The following DNAH5 variants were observed in gnomAD, a reference collection of about 807,000 sequenced individuals.
The protein encoded by DNAH5 is axonemal beta dynein heavy chain 5.
DNAH5 carries 372 observed loss-of-function variants against 518.2 expected under a neutral mutation model. That is an observed-to-expected ratio of 0.72 (90% confidence interval 0.66 to 0.78). The LOEUF is 0.78. DNAH5 is among the 30% of genes least tolerant of loss of function. DNAH5 has a pLI of 0.00. For synonymous variants in DNAH5, 2,039 were observed against 2,025.9 expected (o/e 1.01, Z -0.17); for missense variants, 5,523 against 5,687.0 (o/e 0.97, Z 0.93).
intron 12 of DNAH5, among the ~76,000 whole-genome samples, chr5:13,908,295 T>C (rs569108438): frequency 1.3e-5 from 2 of 152,304 alleles, no homozygotes; most frequent in African/African-American, 4.8e-5. Flanking sequence ...TAAATAAACA[T>C]CTACATTTTT....
At position 13,777,353 on chromosome 5, in the gene DNAH5, G is replaced by A; in HGVS notation, c.8954C>T (p.Ser2985Phe). 1.2e-6 allele frequency: 2 copies of A among 1,612,564 alleles called. No individual in the cohort carries two copies. Among genetic ancestry groups the A allele is most frequent in the African/African-American group, 1.3e-5 (1 of 74,946 alleles). The change falls in exon 54 of 79, where the codon TCC becomes TTC. Residue 2985 changes from serine (S) to phenylalanine (F), a missense_variant and splice_region_variant. By Grantham distance (155) the Ser-to-Phe change is radical. Around this residue, in one of 3 missense-constraint regions of DNAH5, gnomAD observed 5,121 missense variants for 5,223.3 expected, o/e 0.98. Transcript: ENST00000265104. Reference protein sequence around the residue: ...YVSFQITLTRSYNTSNLMEDL... With the variant: ...YVSFQITLTRFYNTSNLMEDL... ...TTCCATCAGATTTGATGTGTTGTAG[G>A]ATCTAAAGAAATATTTTCATTTTGT...
At chr5:13,934,430 T>C (rs1417577744) in intron 1 of DNAH5, among the ~76,000 whole-genome samples, 2 of 152,200 alleles carry the variant, frequency 1.3e-5, no homozygotes, top group Non-Finnish European at 2.9e-5. Flanking sequence ...GTATGGTTTG[T>C]AACGCAAAAA....
intron 1 of DNAH5, among the ~76,000 whole-genome samples, chr5:13,953,119 T>C (rs139259626): frequency 1.8e-4 from 28 of 152,320 alleles, no homozygotes; most frequent in African/African-American, 6.0e-4. Flanking sequence ...AATAAGTTCA[T>C]CTTATTGCTA....
At chr5:13,735,470 C>G (rs1561137703) in intron 67 of DNAH5, 149 bp from the exon 68 acceptor site, 1 of 765,172 alleles carries the variant, frequency 1.3e-6, no homozygotes, top group East Asian at 2.7e-5. Context: ...TCTAAAATAA[C>G]AAGAATTCTC....
intron 9 of DNAH5, among the ~76,000 whole-genome samples, chr5:13,915,165 T>A (rs935044724): frequency 6.6e-6 from 1 of 152,102 alleles, no homozygotes; most frequent in Non-Finnish European, 1.5e-5. Context: ...ATGTATTAAT[T>A]TTTTGGATAA....
intron 57 of DNAH5, 150 bp from the exon 58 acceptor site, chr5:13,769,286 C>T (rs540019546): frequency 4.1e-4 from 373 of 903,422 alleles, no homozygotes; most frequent in Non-Finnish European, 5.4e-4. Flanking sequence ...CTCGCTCTGT[C>T]GCCCAGGCTG....
At position 13,850,667 on chromosome 5, in the gene DNAH5, T is replaced by G; in HGVS notation, c.5099A>C (p.Gln1700Pro). 6.2e-7 allele frequency: 1 copy of G among 1,614,080 alleles called. No homozygotes were observed. The highest frequency in any genetic ancestry group is 8.5e-7 in the Non-Finnish European group (1 of 1,179,974). The change falls in exon 31 of 79, where the codon CAG (glutamine) becomes CCG (proline). Residue 1700 changes from glutamine to proline, a missense_variant. By Grantham distance (76) the Gln-to-Pro change is moderately conservative. Coordinates refer to ENST00000265104, the MANE Select transcript of DNAH5 (RefSeq NM_001369.3). ...GTGAACTTACCCAGTAAGGGATTTC[T>G]GGCATATTTCCAACTGGTCCAGCAA... Reference protein sequence around the residue: ...PHLLDQLEICQKSLTGYLEKK... With the variant: ...PHLLDQLEICPKSLTGYLEKK...
At chr5:13,900,751 C>T (rs1580806736) in intron 14 of DNAH5, 3 of 340,912 alleles carry the variant, frequency 8.8e-6, no homozygotes, top group East Asian at 6.9e-5. Context: ...ATAAAAGTTT[C>T]GTAAGACCTC....
rs1218242577 is a variant in DNAH5, at chr5:13,719,013, T to C, written c.12368A>G (p.His4123Arg). The C allele has an allele frequency of 3.1e-6, 5 of 1,614,036 alleles. No homozygotes were observed. The highest frequency in any genetic ancestry group is 1.7e-5 in the Admixed American group (1 of 60,004). ...GGTCATCCAGAGGCGGAACGCATCA[T>C]GTACAAGCTCAGTTTCTATGATTAT... ...MDIIIETELV[H>R]DAFRLWMTTE... The change falls in exon 72 of 79, where the codon CAT (histidine) becomes CGT (arginine). Residue 4123 changes from histidine to arginine, a missense_variant. His to Arg is a conservative substitution (Grantham distance 29). This residue lies in a region of DNAH5 where 5,121 missense variants were observed against 5,223.3 expected (regional missense o/e 0.98). Coordinates refer to ENST00000265104, the MANE Select transcript of DNAH5 (RefSeq NM_001369.3).
chr5:13,782,280 A>C (rs1326974032), intron 52 of DNAH5, among the ~76,000 whole-genome samples: 1 of 152,226 alleles, frequency 6.6e-6, no homozygotes, highest in Non-Finnish European at 1.5e-5. Context: ...ATCCTTTCTC[A>C]GAATTCCCTC....
chr5:13,914,002 G>A, intron 10 of DNAH5, 44 bp from the exon 11 acceptor site: 3 of 1,597,120 alleles, frequency 1.9e-6, no homozygotes, highest in Non-Finnish European at 2.6e-6. Flanking sequence ...AACAAGAAAG[G>A]TATCAACTTT....
intron 35 of DNAH5, among the ~76,000 whole-genome samples, chr5:13,835,304 A>G (rs907121301): frequency 6.6e-6 from 1 of 151,854 alleles, no homozygotes; most frequent in Admixed American, 6.6e-5. Flanking sequence ...TAGTAATGAT[A>G]TAGAAATAAC....
upstream of DNAH5, among the ~76,000 whole-genome samples, chr5:13,948,608 C>T (rs564492256): frequency 5.3e-5 from 8 of 152,120 alleles, no homozygotes; most frequent in African/African-American, 1.7e-4. Context: ...TTCAACAGAG[C>T]CCGTCTTGTG....
rs150050027 is a variant in DNAH5, at chr5:13,859,478, C to T, written c.4924G>A (p.Gly1642Arg). The T allele has an allele frequency of 5.0e-5, 80 of 1,614,026 alleles. No homozygotes were observed. The African/African-American group carries it at 1.1e-3, about 21-fold the overall frequency. The change falls in exon 30 of 79, where the codon GGA (glycine) becomes AGA (arginine). Residue 1642 changes from glycine (G) to arginine (R), a missense_variant. This residue lies in a region of DNAH5 where 5,121 missense variants were observed against 5,223.3 expected (regional missense o/e 0.98). Transcript: ENST00000265104. The stretch of plus-strand genomic sequence containing the variant: ...TTGGGCAGCTGCTTGGCAATGTCTC[C>T]TCCCACAAAGACAGCTTCTAAATAA... Reference protein sequence around the residue: ...WIYLEAVFVGGDIAKQLPKEA... With the variant: ...WIYLEAVFVGRDIAKQLPKEA...
intron 50 of DNAH5, among the ~76,000 whole-genome samples, chr5:13,789,870 A>G (rs193269782): frequency 6.6e-6 from 1 of 152,330 alleles, no homozygotes; most frequent in Non-Finnish European, 1.5e-5. Flanking sequence ...GCAGGAAGGA[A>G]AGTGAGTTTT....
At chr5:13,992,670 T>A (rs1427577604) in intron 1 of DNAH5, among the ~76,000 whole-genome samples, 1 of 152,200 alleles carries the variant, frequency 6.6e-6, no homozygotes, top group Non-Finnish European at 1.5e-5. Flanking sequence ...CATAACATAT[T>A]TAATGAACAA....
Position 13,839,461 on chromosome 5 carries a change from T to C in DNAH5, c.5777A>G (p.Glu1926Gly), listed in dbSNP as rs1764865286. ...GTGAATCATCATCTTGTCAGAATCT[T>C]CGTTAAAGTAAAATCTGCACTGTTT... ...WLKQCRFYFNEDSDKMMIHIT... is the reference protein window; with the variant it reads ...WLKQCRFYFNGDSDKMMIHIT... The change falls in exon 35 of 79, where the codon GAA becomes GGA. Residue 1926 changes from glutamate to glycine, a missense_variant. Glu to Gly is a moderately conservative substitution (Grantham distance 98). Coordinates refer to ENST00000265104, the MANE Select transcript of DNAH5 (RefSeq NM_001369.3). 1 of 1,614,066 alleles carries C rather than the reference T, an allele frequency of 6.2e-7. No individual in the cohort carries two copies. Among genetic ancestry groups the C allele is most frequent in the Non-Finnish European group, 8.5e-7 (1 of 1,179,906 alleles).
chr5:13,765,905 T>G, intron 59 of DNAH5, 71 bp downstream of exon 59: 9 of 1,447,426 alleles, frequency 6.2e-6, no homozygotes, highest in Non-Finnish European at 8.7e-6. Context: ...TAGAAACTTA[T>G]TCTACGAAAA....
chr5:13,931,347 C>T, intron 1 of DNAH5, 103 bp from the exon 2 acceptor site: 4 of 1,405,444 alleles, frequency 2.8e-6, no homozygotes, highest in Non-Finnish European at 4.0e-6. Context: ...TCTTAGGTAT[C>T]CAGATAATAG....
Sources: allele counts gnomAD v4.1 joint callset (sites outside exome capture counted in the v4.1 genomes callset), GRCh38; gene constraint gnomAD v4.1.1; regional missense constraint gnomAD v4.1.1; transcripts MANE v1.5; gene names NCBI Gene and HGNC (gene_info 2026-07-23, HGNC 2026-07-21).